FOXP2: variants seen among roughly 807,000 people sequenced by gnomAD.
FOXP2 encodes forkhead box protein P2.
In FOXP2, 12 loss-of-function variants were observed where a neutral mutation model predicts 115.8. The observed-to-expected ratio is 0.10, with a 90% CI of 0.07 to 0.17. The LOEUF (loss-of-function observed/expected upper bound fraction) is 0.17, where lower values mean the gene tolerates loss of function less well. FOXP2 is among the 10% of genes least tolerant of loss of function. The pLI is 1.00. For synonymous variants in FOXP2, 328 were observed against 297.7 expected (o/e 1.10, Z -1.05); for missense variants, 629 against 843.5 (o/e 0.75, Z 3.15).
chr7:114,498,981 G>C (rs1797446697), intron 2 of FOXP2: 1 of 716,600 alleles, frequency 1.4e-6, no homozygotes, highest in South Asian at 1.5e-5. Context: ...GTGAGTCCTG[G>C]ACCAGCAGCA....
At chr7:114,385,974 G>A (rs572294573) in intron 2 of FOXP2, among the ~76,000 whole-genome samples, 7 of 152,246 alleles carry the variant, frequency 4.6e-5, no homozygotes, top group Non-Finnish European at 8.8e-5. Context: ...GGTCACGGAA[G>A]AGAACCATGG....
At chr7:114,595,502 A>T (rs1802647760) in intron 3 of FOXP2, among the ~76,000 whole-genome samples, 1 of 152,070 alleles carries the variant, frequency 6.6e-6, no homozygotes, top group Non-Finnish European at 1.5e-5. Context: ...TTTCTGAAAG[A>T]TGTTTATGAT....
In FOXP2 at chr7:114,553,105, C is replaced by T. The variant is rs933723933; in HGVS notation, c.258+18399C>T. ...AACTGACAAAGTATTTTAGGAAAAA[C>T]CCTTGATCCTATTTATTTATTGTAA... On this transcript the variant is annotated intron_variant, in intron 3 of 16. Transcript: ENST00000350908. Among the ~76,000 whole-genome samples the T allele has an allele frequency of 3.3e-5, 5 of 152,054 alleles. No individual in the cohort carries two copies. In the South Asian group the frequency reaches 6.2e-4, roughly 19 times the overall value.
At chr7:114,539,339 T>C (rs1799546250) in intron 3 of FOXP2, among the ~76,000 whole-genome samples, 1 of 151,916 alleles carries the variant, frequency 6.6e-6, no homozygotes, top group African/African-American at 2.4e-5. Context: ...TTTTTCAATA[T>C]TACTTTTAAA....
intron 2 of FOXP2, among the ~76,000 whole-genome samples, chr7:114,428,822 A>G (rs1411194693): frequency 6.6e-6 from 1 of 151,578 alleles, no homozygotes; most frequent in Non-Finnish European, 1.5e-5. Flanking sequence ...ACTAAAAACC[A>G]TAAAGCATAT....
At chr7:114,148,931 C>T (rs1339124316) in intron 1 of FOXP2, among the ~76,000 whole-genome samples, 2 of 152,090 alleles carry the variant, frequency 1.3e-5, no homozygotes, top group Non-Finnish European at 2.9e-5. Context: ...TTCTCCAGTT[C>T]CTCTTTCCAT....
In FOXP2 at chr7:114,692,662, C is replaced by T. The variant is rs965891006; in HGVS notation, c.*2736C>T. 1.6e-5 allele frequency: 7 copies of T among 442,394 alleles called. No individual in the cohort carries two copies. The highest frequency in any genetic ancestry group is 1.4e-4 in the African/African-American group (7 of 49,406). The allele number at this position is 442,394 out of a possible 1,614,324, so 27.4% of individuals were successfully genotyped here. On this transcript the variant is annotated 3_prime_UTR_variant, in exon 17 of 17. Transcript: ENST00000350908. ...CTAATGTATGTATTTATTGCTTGAA[C>T]TTCTGTGCATACCTTATAAAGCATA...
At chr7:114,647,490 C>T (rs1805978135) in intron 8 of FOXP2, among the ~76,000 whole-genome samples, 3 of 151,390 alleles carry the variant, frequency 2.0e-5, no homozygotes, top group African/African-American at 7.3e-5. Context: ...AAAATTCAGA[C>T]TAAGTTAGAA....
intron 2 of FOXP2, among the ~76,000 whole-genome samples, chr7:114,520,962 T>A (rs1798594943): frequency 6.6e-6 from 1 of 152,156 alleles, no homozygotes; most frequent in Non-Finnish European, 1.5e-5. Flanking sequence ...GGAAGTTCAT[T>A]GCAATATTAT....
intron 1 of FOXP2, among the ~76,000 whole-genome samples, chr7:114,186,516 C>T (rs116911422): frequency 0.013 from 1,583 of 123,674 alleles, 75 homozygotes; most frequent in Admixed American, 0.1. Flanking sequence ...GGGTGGGAAT[C>T]GGGCCCCCAA....
intron 1 of FOXP2, among the ~76,000 whole-genome samples, chr7:114,112,482 A>T (rs1005662863): frequency 4.6e-5 from 7 of 151,936 alleles, no homozygotes; most frequent in Admixed American, 6.6e-5. Flanking sequence ...TGTTTTTTGT[A>T]GAGATGGGGT....
At chr7:114,625,557 T>C (rs1157598608) in intron 3 of FOXP2, among the ~76,000 whole-genome samples, 2 of 151,858 alleles carry the variant, frequency 1.3e-5, no homozygotes, top group Non-Finnish European at 3.0e-5. Flanking sequence ...AATTAATCTT[T>C]ATTCATTTTT....
At chr7:114,327,879 TTTTA>T (rs991633359) in intron 2 of FOXP2, among the ~76,000 whole-genome samples, 2 of 151,256 alleles carry the variant, frequency 1.3e-5, no homozygotes, top group Non-Finnish European at 2.9e-5. Flanking sequence ...ACTATGTAAG[TTTTA>T]TTTATTTATT....
chr7:114,289,718 T>G (rs764045032), intron 2 of FOXP2, among the ~76,000 whole-genome samples: 17 of 151,996 alleles, frequency 1.1e-4, no homozygotes, highest in African/African-American at 1.9e-4. Flanking sequence ...GATTTTGGAA[T>G]GTGCTACTTA....
chr7:114,278,164 G>C (rs1431462744), intron 1 of FOXP2, among the ~76,000 whole-genome samples: 4 of 151,600 alleles, frequency 2.6e-5, no homozygotes. Flanking sequence ...TTTAAAAAAG[G>C]ATGCTCACTT....
chr7:114,371,356 T>C (rs1257084164), intron 2 of FOXP2, among the ~76,000 whole-genome samples: 2 of 151,682 alleles, frequency 1.3e-5, no homozygotes, highest in African/African-American at 4.8e-5. Flanking sequence ...AAAGTACTGG[T>C]ATTACAGGCA....
At chr7:114,166,598 G>A (rs541765704) in intron 1 of FOXP2, among the ~76,000 whole-genome samples, 14 of 152,194 alleles carry the variant, frequency 9.2e-5, no homozygotes, top group East Asian at 7.7e-4. Flanking sequence ...CCAGCTCCTC[G>A]GGAGGCTGAG....
chr7:114,389,531 T>A (rs918410261), intron 2 of FOXP2, among the ~76,000 whole-genome samples: 2 of 152,200 alleles, frequency 1.3e-5, no homozygotes, highest in African/African-American at 4.8e-5. Context: ...AGAACTTACA[T>A]GAAAACATAG....
At chr7:114,385,406 G>A (rs948338879) in intron 2 of FOXP2, among the ~76,000 whole-genome samples, 8 of 152,156 alleles carry the variant, frequency 5.3e-5, no homozygotes, top group African/African-American at 1.7e-4. Context: ...GGAAAGGTAG[G>A]GGCGCACACA....
Sources: gnomAD v4.1 joint callset for allele counts (sites outside exome capture counted in the v4.1 genomes callset) on GRCh38, gnomAD v4.1.1 for gene constraint, MANE v1.5 for transcripts, NCBI Gene and HGNC (gene_info 2026-07-23, HGNC 2026-07-21) for gene names.